Variants in AGBL4 observed in about 807,000 individuals in gnomAD.
The protein encoded by AGBL4 is AGBL carboxypeptidase 4.
Under a neutral mutation model 66.4 loss-of-function variants are expected in AGBL4, and 58 were observed. That is an observed-to-expected ratio of 0.87 (90% CI 0.71 to 1.09). The LOEUF (loss-of-function observed/expected upper bound fraction) is 1.09, where lower values mean the gene tolerates loss of function less well. Ranked by LOEUF, AGBL4 falls within the 50% of genes least tolerant of loss-of-function variation. The probability of loss-of-function intolerance (pLI) is 0.00; values close to 1 mark genes in which losing one functional copy is unlikely to be tolerated. For missense variants in AGBL4, 579 were observed against 631.0 expected (o/e 0.92, Z 0.88); for synonymous variants, 234 against 222.9 (o/e 1.05, Z -0.44).
At chr1:49,714,213 T>C (rs1009556348) in intron 2 of AGBL4, among the ~76,000 whole-genome samples, 4 of 151,974 alleles carry the variant, frequency 2.6e-5, no homozygotes, top group African/African-American at 9.7e-5. Context: ...CCTGATATTT[T>C]AAAATAGATT....
At chr1:49,107,579 A>C (rs1266367089) in intron 4 of AGBL4, among the ~76,000 whole-genome samples, 3 of 152,008 alleles carry the variant, frequency 2.0e-5, no homozygotes, top group Non-Finnish European at 2.9e-5. Context: ...ATCTCCCCAA[A>C]TCTTCAGGAA....
At chr1:49,654,700 T>C (rs1376641358) in intron 3 of AGBL4, among the ~76,000 whole-genome samples, 2 of 152,344 alleles carry the variant, frequency 1.3e-5, no homozygotes. Flanking sequence ...TCTCTCTTGA[T>C]CTTTGTTGGT....
chr1:49,838,372 C>G (rs1051511664), intron 2 of AGBL4, among the ~76,000 whole-genome samples: 2 of 152,218 alleles, frequency 1.3e-5, no homozygotes, highest in Admixed American at 1.3e-4. Flanking sequence ...CTACAGACAC[C>G]TGCAAGAGGT....
chr1:49,406,970 C>A (rs959602286), intron 3 of AGBL4, among the ~76,000 whole-genome samples: 18 of 142,870 alleles, frequency 1.3e-4, no homozygotes, highest in Non-Finnish European at 1.9e-4. Context: ...TAGGCTGAGG[C>A]AGGAGAATGG....
chr1:49,767,732 A>G (rs1056435863), intron 2 of AGBL4, among the ~76,000 whole-genome samples: 1 of 152,090 alleles, frequency 6.6e-6, no homozygotes, highest in Non-Finnish European at 1.5e-5. Context: ...AAGAAGACAA[A>G]AAGAGCACAA....
intron 3 of AGBL4, among the ~76,000 whole-genome samples, chr1:49,359,499 C>T (rs914133664): frequency 2.0e-5 from 3 of 152,056 alleles, no homozygotes; most frequent in Non-Finnish European, 4.4e-5. Flanking sequence ...ATAAAACAAA[C>T]AACAAAAACA....
chr1:49,301,870 C>A (rs1644750788), intron 3 of AGBL4, among the ~76,000 whole-genome samples: 1 of 152,112 alleles, frequency 6.6e-6, no homozygotes, highest in South Asian at 2.1e-4. Flanking sequence ...AACCAATCAA[C>A]AGTATCCATT....
At position 49,561,235 on chromosome 1, in the gene AGBL4, T is replaced by C. The variant is rs529183244; in HGVS notation, c.282+136078A>G. ...AACCAATTTAGGGTGTAGAGCTTTT[T>C]TAAGTTTTCTTTTTAAAAAAAATTG... On this transcript the variant is annotated intron_variant, in intron 3 of 13. Transcript: ENST00000371839. Among the ~76,000 whole-genome samples the C allele has an allele frequency of 6.6e-5, 10 of 151,762 alleles. No homozygotes were observed. In the South Asian group the frequency reaches 2.1e-3, roughly 32 times the overall value.
chr1:49,653,522 C>T (rs1646052086), intron 3 of AGBL4, among the ~76,000 whole-genome samples: 1 of 151,790 alleles, frequency 6.6e-6, no homozygotes, highest in South Asian at 2.1e-4. Context: ...ACAAACTTTA[C>T]TAGCTAAAGG....
intron 2 of AGBL4, among the ~76,000 whole-genome samples, chr1:49,724,712 G>A (rs183235364): frequency 1.3e-5 from 2 of 152,002 alleles, no homozygotes; most frequent in Non-Finnish European, 2.9e-5. Flanking sequence ...AGGTTATAAG[G>A]GTGGGGCTCT....
chr1:49,427,653 C>A (rs986148767), intron 3 of AGBL4, among the ~76,000 whole-genome samples: 2 of 152,164 alleles, frequency 1.3e-5, no homozygotes, highest in Admixed American at 6.5e-5. Context: ...AGTCACAGAC[C>A]TTCGCAGTGA....
chr1:48,661,983 C>T (rs1211974734), intron 7 of AGBL4, among the ~76,000 whole-genome samples: 1 of 152,144 alleles, frequency 6.6e-6, no homozygotes, highest in African/African-American at 2.4e-5. Flanking sequence ...GTGACTGGAG[C>T]CTCAGTCATG....
chr1:49,996,171 A>T (rs1660356141), intron 1 of AGBL4: 1 of 152,180 alleles, frequency 6.6e-6, no homozygotes, highest in South Asian at 2.1e-4. Context: ...AACACCCCCA[A>T]AAAAATCACA....
At chr1:49,599,879 T>C (rs1236924314) in intron 3 of AGBL4, among the ~76,000 whole-genome samples, 1 of 152,222 alleles carries the variant, frequency 6.6e-6, no homozygotes, top group African/African-American at 2.4e-5. Flanking sequence ...TCAGTAGTCA[T>C]TCAGGAGCAG....
chr1:49,775,074 T>C (rs1178467669), intron 2 of AGBL4, among the ~76,000 whole-genome samples: 1 of 152,128 alleles, frequency 6.6e-6, no homozygotes, highest in Non-Finnish European at 1.5e-5. Flanking sequence ...ATGATTGATA[T>C]AGAAATGGAA....
At chr1:49,457,257 AT>A (rs1646410214) in intron 3 of AGBL4, among the ~76,000 whole-genome samples, 1 of 151,720 alleles carries the variant, frequency 6.6e-6, no homozygotes, top group African/African-American at 2.4e-5. Context: ...TTTTTTGATT[AT>A]GGCCATTCTT....
intron 6 of AGBL4, among the ~76,000 whole-genome samples, chr1:48,691,873 AG>A (rs1230991687): frequency 1.3e-5 from 2 of 152,062 alleles, no homozygotes; most frequent in Non-Finnish European, 2.9e-5. Flanking sequence ...GCCCCACAAA[AG>A]CCCGTGCCTT....
intron 11 of AGBL4, among the ~76,000 whole-genome samples, chr1:48,572,657 T>C (rs919881044): frequency 2.6e-5 from 4 of 151,890 alleles, no homozygotes; most frequent in Non-Finnish European, 5.9e-5. Context: ...GGAAGAGGAA[T>C]GCTATGCAGA....
intron 4 of AGBL4, among the ~76,000 whole-genome samples, chr1:49,186,222 C>T (rs1329691764): frequency 1.3e-5 from 2 of 152,076 alleles, no homozygotes; most frequent in East Asian, 3.9e-4. Flanking sequence ...ATTCATATGC[C>T]CCTCTCCCTA....
Sources: gnomAD v4.1 joint callset for allele counts (sites outside exome capture counted in the v4.1 genomes callset) on GRCh38, gnomAD v4.1.1 for gene constraint, MANE v1.5 for transcripts, NCBI Gene and HGNC (gene_info 2026-07-23, HGNC 2026-07-21) for gene names.